Variants in SPRY3 observed in about 807,000 individuals in gnomAD.
The protein encoded by SPRY3 is sprouty RTK signaling antagonist 3, also known as protein sprouty homolog 3.
A neutral mutation model predicts 20.2 loss-of-function variants in SPRY3; 15 were observed. The observed-to-expected ratio is 0.74, with a 90% confidence interval of 0.50 to 1.14. The LOEUF (loss-of-function observed/expected upper bound fraction) is 1.14. Among genes scored for constraint, SPRY3 ranks in the 50% most tolerant of loss-of-function variants. The pLI is 0.00. For missense variants in SPRY3, 364 were observed against 363.9 expected, an observed-to-expected ratio of 1.00 and a Z score of 0.00; for synonymous variants, 143 against 136.5, an observed-to-expected ratio of 1.05 and a Z score of -0.33.
At chrX:155,759,164 C>T (rs2091294774) in intron 2 of SPRY3, among the ~76,000 whole-genome samples, 1 of 151,250 alleles carries the variant, frequency 6.6e-6, no homozygotes, top group Non-Finnish European at 1.5e-5. Context: ...GCTGGGATTA[C>T]AAGCGCCCAC....
chrX:155,713,134 G>T (rs1437298636), intron 2 of SPRY3, among the ~76,000 whole-genome samples: 6 of 151,900 alleles, frequency 3.9e-5, no homozygotes, highest in Non-Finnish European at 7.4e-5. Context: ...GGATACACAT[G>T]TAGAACGTGC....
At chrX:155,741,989 A>G (rs908439017) in intron 2 of SPRY3, among the ~76,000 whole-genome samples, 2 of 152,190 alleles carry the variant, frequency 1.3e-5, no homozygotes, top group African/African-American at 4.8e-5. Flanking sequence ...AAATTCACGC[A>G]TAACAATATT....
downstream of SPRY3, chrX:155,780,162 C>T (rs778913243): frequency 6.0e-6 from 1 of 166,952 alleles, no homozygotes; most frequent in East Asian, 1.9e-4. Flanking sequence ...GAAGGTAATT[C>T]TAACCCACAC....
chrX:155,736,819 T>C (rs1342499661), intron 2 of SPRY3, among the ~76,000 whole-genome samples: 1 of 152,038 alleles, frequency 6.6e-6, no homozygotes, highest in Non-Finnish European at 1.5e-5. Context: ...CTTCTGGGAT[T>C]CCTATTACAT....
chrX:155,740,777 C>T (rs976063060), intron 2 of SPRY3, among the ~76,000 whole-genome samples: 10 of 147,226 alleles, frequency 6.8e-5, no homozygotes, highest in South Asian at 2.1e-4. Flanking sequence ...TCTTTGTTCT[C>T]CTTTTTGCCC....
chrX:155,733,445 T>C (rs1569389985), intron 2 of SPRY3, among the ~76,000 whole-genome samples: 1 of 151,596 alleles, frequency 6.6e-6, no homozygotes, highest in Non-Finnish European at 1.5e-5. Flanking sequence ...CCACCTACTA[T>C]GTACCCACAA....
intron 2 of SPRY3, among the ~76,000 whole-genome samples, chrX:155,726,914 A>G (rs886972660): frequency 1.3e-5 from 2 of 152,114 alleles, no homozygotes; most frequent in Non-Finnish European, 2.9e-5. Context: ...TCTTCATAGC[A>G]TCAATGGTCT....
chrX:155,654,131 G>A (rs1449350232), intron 1 of SPRY3, among the ~76,000 whole-genome samples: 1 of 111,580 alleles, frequency 9.0e-6, no homozygotes, highest in Non-Finnish European at 1.9e-5. Flanking sequence ...TGCTAATATG[G>A]CTCATAAAAC....
chrX:155,623,326 C>G (rs1244267731), intron 1 of SPRY3, among the ~76,000 whole-genome samples: 2 of 111,532 alleles, frequency 1.8e-5, no homozygotes, highest in African/African-American at 6.5e-5. Flanking sequence ...ATTACAGTGT[C>G]CAAAATGAAA....
At chrX:155,717,015 T>C (rs2091028188) in intron 2 of SPRY3, among the ~76,000 whole-genome samples, 1 of 139,264 alleles carries the variant, frequency 7.2e-6, no homozygotes, top group Non-Finnish European at 1.5e-5. Flanking sequence ...TATATATAGC[T>C]GGGCGTGGCA....
intron 2 of SPRY3, among the ~76,000 whole-genome samples, chrX:155,723,635 T>C (rs1267017149): frequency 6.6e-6 from 1 of 152,166 alleles, no homozygotes; most frequent in African/African-American, 2.4e-5. Context: ...TTGTTGTTTG[T>C]TTTTTTCTTG....
intron 2 of SPRY3, among the ~76,000 whole-genome samples, chrX:155,766,061 A>G (rs1036025022): frequency 6.6e-6 from 1 of 152,158 alleles, no homozygotes; most frequent in Non-Finnish European, 1.5e-5. Flanking sequence ...GAGAATTTAC[A>G]GGAGATTTCC....
intron 2 of SPRY3, among the ~76,000 whole-genome samples, chrX:155,673,321 G>A (rs1399847915): frequency 3.6e-5 from 4 of 110,548 alleles, no homozygotes; most frequent in African/African-American, 1.3e-4. Flanking sequence ...ATGACAATGA[G>A]CATGATTTGC....
intron 1 of SPRY3, among the ~76,000 whole-genome samples, chrX:155,621,391 T>C (rs1410679188): frequency 9.0e-6 from 1 of 111,584 alleles, no homozygotes; most frequent in African/African-American, 3.3e-5. Flanking sequence ...CCAGTCTTAC[T>C]GTTGGTGAGG....
chrX:155,662,469 A>T (rs1557353802), intron 2 of SPRY3, among the ~76,000 whole-genome samples: 1 of 110,410 alleles, frequency 9.1e-6, no homozygotes, highest in East Asian at 2.8e-4. Context: ...CGGCACAAGC[A>T]TTTTGTCAAC....
chrX:155,767,154 C>G (rs1006601034), intron 2 of SPRY3, among the ~76,000 whole-genome samples: 7 of 151,900 alleles, frequency 4.6e-5, no homozygotes, highest in African/African-American at 1.7e-4. Flanking sequence ...TGGGTCGATT[C>G]AATTTCATCT....
intron 2 of SPRY3, among the ~76,000 whole-genome samples, chrX:155,679,203 GTAAA>G (rs994647019): frequency 1.8e-5 from 2 of 110,986 alleles, no homozygotes; most frequent in Non-Finnish European, 3.8e-5. Flanking sequence ...TAATAAATAA[GTAAA>G]TAAATAAAAA....
At chrX:155,704,258 C>T (rs1165003664) in intron 2 of SPRY3, among the ~76,000 whole-genome samples, 1 of 151,532 alleles carries the variant, frequency 6.6e-6, no homozygotes, top group Non-Finnish European at 1.5e-5. Context: ...AATGTTCCAC[C>T]AGAAAAAGTG....
chrX:155,739,577 G>T (rs927493077), intron 2 of SPRY3, among the ~76,000 whole-genome samples: 2 of 152,140 alleles, frequency 1.3e-5, no homozygotes, highest in African/African-American at 4.8e-5. Flanking sequence ...CATCAGGTCG[G>T]TGACCACTGG....
Sources: allele counts gnomAD v4.1 joint callset (sites outside exome capture counted in the v4.1 genomes callset), GRCh38; gene constraint gnomAD v4.1.1; transcripts MANE v1.5; gene names NCBI Gene and HGNC (gene_info 2026-07-23, HGNC 2026-07-21).